Variants in ICOS observed in about 807,000 individuals in gnomAD.
ICOS encodes inducible T cell costimulator, also known as inducible T-cell costimulator.
Under a neutral mutation model 24.6 loss-of-function variants are expected in ICOS, and 15 were observed. The observed-to-expected ratio is 0.61, with a 90% confidence interval of 0.41 to 0.94. ICOS has a LOEUF of 0.94. Among genes scored for constraint, ICOS ranks in the 40% least tolerant of loss-of-function variants. ICOS has a pLI of 0.00. For synonymous variants in ICOS, 89 were observed against 77.5 expected (o/e 1.15, Z -0.78); for missense variants, 200 against 233.0 (o/e 0.86, Z 0.92).
intron 1 of ICOS, among the ~76,000 whole-genome samples, chr2:203,955,428 A>G (rs1455161204): frequency 1.3e-5 from 2 of 152,108 alleles, no homozygotes; most frequent in Non-Finnish European, 2.9e-5. Context: ...ATGACAAGCA[A>G]GTTTCTGGTT....
chr2:203,940,077 C>T (rs1689736268), intron 1 of ICOS, among the ~76,000 whole-genome samples: 1 of 152,154 alleles, frequency 6.6e-6, no homozygotes, highest in African/African-American at 2.4e-5. Context: ...TCTTAATTTA[C>T]TAAGTAATTG....
intron 2 of ICOS, 113 bp from the exon 3 acceptor site, chr2:203,956,546 T>G: frequency 2.6e-6 from 2 of 781,112 alleles, no homozygotes; most frequent in Non-Finnish European, 2.3e-6. Context: ...TTACTGGATT[T>G]CATGACTATA....
At chr2:203,950,782 C>A (rs922537138) in intron 1 of ICOS, among the ~76,000 whole-genome samples, 1 of 151,962 alleles carries the variant, frequency 6.6e-6, no homozygotes, top group African/African-American at 2.4e-5. Flanking sequence ...AGCGTCCAGG[C>A]CAGGTGCGGT....
chr2:203,936,939 T>C (rs1351426676), intron 1 of ICOS, 67 bp downstream of exon 1: 3 of 1,264,202 alleles, frequency 2.4e-6, no homozygotes, highest in African/African-American at 1.5e-5. Context: ...AAAGCAAAGG[T>C]AGAAAAATTA....
At chr2:203,953,452 A>G (rs1581605294) in intron 1 of ICOS, among the ~76,000 whole-genome samples, 1 of 152,228 alleles carries the variant, frequency 6.6e-6, no homozygotes, top group Non-Finnish European at 1.5e-5. Flanking sequence ...AGGGACTGCT[A>G]TAACTGAAGA....
intron 1 of ICOS, among the ~76,000 whole-genome samples, chr2:203,951,061 C>CA (rs533323850): frequency 0.014 from 1,648 of 119,650 alleles, 30 homozygotes; most frequent in African/African-American, 0.04. Flanking sequence ...GACTCCATCT[C>CA]AAAAAAAAAA....
rs576726896 is a variant in ICOS, at chr2:203,936,791, G to T, written c.-24G>T. 4.3e-5 allele frequency: 69 copies of T among 1,598,652 alleles called. No homozygotes were observed. In the Middle Eastern group the frequency reaches 9.9e-4, roughly 23 times the overall value. On this transcript the variant is annotated 5_prime_UTR_variant, in exon 1 of 5. Coordinates refer to ENST00000316386, the MANE Select transcript of ICOS (RefSeq NM_012092.4). ...GTCAGCTTTGAACACTGAACGCGAG[G>T]ACTGTTAACTGTTTCTGGCAAACAT...
chr2:203,958,278 A>G (rs141822616), intron 4 of ICOS, among the ~76,000 whole-genome samples: 14 of 152,282 alleles, frequency 9.2e-5, no homozygotes, highest in Non-Finnish European at 1.9e-4. Context: ...ACTCTGGGGA[A>G]TTTGGACAGA....
rs542954812 is a variant in ICOS at position 203,950,372 on chromosome 2, C to T, written c.59-5264C>T. 2.0e-5 allele frequency among the ~76,000 whole-genome samples: 3 copies of T among 152,290 alleles called. No homozygotes were observed. The South Asian group carries it at 6.2e-4, about 32-fold the overall frequency. ...ACTAACTCTCATGATAATTAACCCACTCCTGTGATAACCTATTAATCTGTT... is the reference window on the plus strand; with the variant it reads ...ACTAACTCTCATGATAATTAACCCATTCCTGTGATAACCTATTAATCTGTT... On this transcript the variant is annotated intron_variant, in intron 1 of 4. Transcript: ENST00000316386.
intron 1 of ICOS, among the ~76,000 whole-genome samples, chr2:203,954,850 A>T (rs1465460098): frequency 6.7e-6 from 1 of 148,996 alleles, no homozygotes; most frequent in Non-Finnish European, 1.5e-5. Context: ...ATACATATAC[A>T]TATAATACAT....
chr2:203,955,715 C>G lies in ICOS; in HGVS notation c.138C>G (p.Asp46Glu), dbSNP rs780725264. ...GGVQILCKYP[D>E]IVQQFKMQLL... is the part of the protein sequence containing the mutation. Reference sequence around the variant, plus strand: ...TACAAATTTTATGCAAATATCCTGACATTGTCCAGCAATTTAAAATGCAGT... The same window carrying G: ...TACAAATTTTATGCAAATATCCTGAGATTGTCCAGCAATTTAAAATGCAGT... The change falls in exon 2 of 5, where the codon GAC becomes GAG. Residue 46 changes from aspartate to glutamate, a missense_variant. Asp to Glu is a conservative substitution (Grantham distance 45). Transcript: ENST00000316386. 7.4e-6 allele frequency: 12 copies of G among 1,613,546 alleles called. No homozygotes were observed. The South Asian group carries it at 1.2e-4, about 16-fold the overall frequency.
chr2:203,955,011 A>G (rs1041678033), intron 1 of ICOS, among the ~76,000 whole-genome samples: 1 of 152,042 alleles, frequency 6.6e-6, no homozygotes. Flanking sequence ...TTATTTACTC[A>G]TCAGAAGTAC....
intron 1 of ICOS, among the ~76,000 whole-genome samples, chr2:203,951,903 T>C (rs1302886215): frequency 1.3e-5 from 2 of 152,230 alleles, no homozygotes; most frequent in African/African-American, 2.4e-5. Context: ...TTTAATCTAA[T>C]GTAGACTGCA....
chr2:203,945,911 G>T (rs1161623511), intron 1 of ICOS, among the ~76,000 whole-genome samples: 1 of 152,140 alleles, frequency 6.6e-6, no homozygotes, highest in African/African-American at 2.4e-5. Context: ...GGCTCCTGGG[G>T]GTAGACATGA....
chr2:203,953,172 T>C (rs114407741), intron 1 of ICOS, among the ~76,000 whole-genome samples: 210 of 152,292 alleles, frequency 1.4e-3, no homozygotes, highest in African/African-American at 4.5e-3. Context: ...TCCCAATTTA[T>C]TGGGGAGAGG....
At chr2:203,955,324 A>G (rs551626481) in intron 1 of ICOS, among the ~76,000 whole-genome samples, 1 of 152,250 alleles carries the variant, frequency 6.6e-6, no homozygotes, top group South Asian at 2.1e-4. Context: ...TGCCTCCAAT[A>G]TGAAAGCTAC....
intron 1 of ICOS, among the ~76,000 whole-genome samples, chr2:203,954,851 TATA>T (rs1424701661): frequency 1.3e-5 from 2 of 148,936 alleles, no homozygotes; most frequent in Non-Finnish European, 3.0e-5. Context: ...TACATATACA[TATA>T]ATACATATAT....
At position 203,956,678 on chromosome 2, in the gene ICOS, G is replaced by C; in HGVS notation, c.414G>C (p.Gln138His). The part of the protein sequence containing the change: ...LHIYESQLCC[Q>H]LKFWLPIGCA... ...ATCCAGAATCACAACTTTGTTGCCA[G>C]CTGAAGTTCTGGTTACCCATAGGAT... Residue 138 changes from glutamine (Q) to histidine (H), a missense_variant, in exon 3 of 5, where the codon CAG becomes CAC. Transcript: ENST00000316386. The C allele has an allele frequency of 6.2e-7, 1 of 1,613,218 alleles. No individual in the cohort carries two copies. The highest frequency in any genetic ancestry group is 8.5e-7 in the Non-Finnish European group (1 of 1,179,260).
At chr2:203,940,364 A>T (rs1405057074) in intron 1 of ICOS, among the ~76,000 whole-genome samples, 1 of 152,216 alleles carries the variant, frequency 6.6e-6, no homozygotes, top group East Asian at 1.9e-4. Context: ...CTTAACACTT[A>T]CATCACATAC....
Sources: allele counts gnomAD v4.1 joint callset (sites outside exome capture counted in the v4.1 genomes callset), GRCh38; gene constraint gnomAD v4.1.1; transcripts MANE v1.5; gene names NCBI Gene and HGNC (gene_info 2026-07-23, HGNC 2026-07-21).